Variants in ATP1A1 observed in about 807,000 individuals in gnomAD.
ATP1A1 encodes the protein sodium/potassium-transporting ATPase subunit alpha-1.
In ATP1A1, 14 loss-of-function variants were observed where a neutral mutation model predicts 114.8. The observed-to-expected ratio is 0.12, with a 90% CI of 0.08 to 0.19. The LOEUF (loss-of-function observed/expected upper bound fraction) is 0.19, where lower values mean the gene tolerates loss of function less well. ATP1A1 is among the 10% of genes least tolerant of loss of function. The pLI is 1.00. For missense variants in ATP1A1, 524 were observed against 1,290.7 expected, an observed-to-expected ratio of 0.41 and a Z score of 9.10; for synonymous variants, 471 against 466.3, an observed-to-expected ratio of 1.01 and a Z score of -0.13.
Position 116,388,404 on chromosome 1 carries a change from C to A in ATP1A1, c.501+160C>A. On this transcript the variant is annotated intron_variant, in intron 5 of 22. Coordinates refer to ENST00000295598, the MANE Select transcript of ATP1A1 (RefSeq NM_000701.8). The surrounding 1 kb of genome is among the most constrained non-coding windows in gnomAD (Gnocchi z 5.6). ...AAAACCAACCTATTTTCCTTCTATC[C>A]AAAAAGTGGTAGCCTTTCTTTTGAA... 2 of 951,052 alleles carry A rather than the reference C, an allele frequency of 2.1e-6. No individual in the cohort carries two copies. The highest frequency in any genetic ancestry group is 3.1e-6 in the Non-Finnish European group (2 of 642,654). The allele number at this position is 951,052 out of a possible 1,614,324, so 58.9% of individuals were successfully genotyped here.
chr1:116,389,342 T>G lies in ATP1A1; in HGVS notation c.755-97T>G. The G allele has an allele frequency of 6.7e-7, 1 of 1,500,110 alleles. No individual in the cohort carries two copies. The highest frequency in any genetic ancestry group is 1.4e-5 in the African/African-American group (1 of 71,630). The allele number at this position is 1,500,110 out of a possible 1,614,324, so 92.9% of individuals were successfully genotyped here. A position where few individuals can be genotyped will look rare whatever the true frequency, so the allele number is the denominator to read the frequency against. On this transcript the variant is annotated intron_variant, in intron 7 of 22. Coordinates refer to ENST00000295598, the MANE Select transcript of ATP1A1 (RefSeq NM_000701.8). This position sits in a 1 kb window ranked among gnomAD's most constrained non-coding sequence, Gnocchi z 6.9. ...TTAAAAAGTGCTTTTATCAACTCTT[T>G]TTGTTTTTTTAGTCATCCTATGTAA... is the stretch of plus-strand genomic sequence containing the variant.
Position 116,393,271 on chromosome 1 carries a change from A to G in ATP1A1, c.1468-260A>G, listed in dbSNP as rs770613805. Among the ~76,000 whole-genome samples, 179 of 151,860 alleles carry G rather than the reference A, an allele frequency of 1.2e-3. No individual in the cohort carries two copies. The highest frequency in any genetic ancestry group is 1.8e-3 in the Non-Finnish European group (125 of 67,990). ...GGTATGTGTACACAAGTGTTCCCCA[A>G]TCCCTGTGTTCTGAAATTTCGTATG... On this transcript the variant is annotated intron_variant, in intron 11 of 22. Transcript: ENST00000295598. The surrounding 1 kb of genome is among the most constrained non-coding windows in gnomAD (Gnocchi z 5.0).
chr1:116,373,819 C>T, intron 1 of ATP1A1: 1 of 1,171,348 alleles, frequency 8.5e-7, no homozygotes, highest in Non-Finnish European at 1.0e-6. Context: ...CCGGGGGCTC[C>T]GAGAGGCGGT....
In ATP1A1 at chr1:116,397,122, C is replaced by A. The variant is rs889360835; in HGVS notation, c.1973+388C>A. 6.6e-6 allele frequency among the ~76,000 whole-genome samples: 1 copy of A among 152,182 alleles called. No individual in the cohort carries two copies. Among genetic ancestry groups the A allele is most frequent in the Non-Finnish European group, 1.5e-5 (1 of 68,042 alleles). On this transcript the variant is annotated intron_variant, in intron 14 of 22. Coordinates refer to ENST00000295598, the MANE Select transcript of ATP1A1 (RefSeq NM_000701.8). The surrounding 1 kb of genome is among the most constrained non-coding windows in gnomAD (Gnocchi z 4.2). ...TAGCACCTAGCATCTTGACACTTTC[C>A]AGGTCCACACTAACAAAATAAAATA...
chr1:116,399,161 G>C lies in ATP1A1; in HGVS notation c.2448+77G>C, dbSNP rs2101062534. ...TTCATTCACTGGCACTATGCTCCCA[G>C]CATCCATGAGGCTGGCGTTGGGAAA... On this transcript the variant is annotated intron_variant, in intron 17 of 22. Coordinates refer to ENST00000295598, the MANE Select transcript of ATP1A1 (RefSeq NM_000701.8). This position sits in a 1 kb window ranked among gnomAD's most constrained non-coding sequence, Gnocchi z 5.0. The C allele has an allele frequency of 3.1e-6, 5 of 1,592,396 alleles. No homozygotes were observed. Among genetic ancestry groups the C allele is most frequent in the Non-Finnish European group, 4.3e-6 (5 of 1,163,790 alleles).
At position 116,384,055 on chromosome 1, in the gene ATP1A1, A is replaced by C; in HGVS notation, c.54A>C (p.Gln18His). The change falls in exon 2 of 23, where the codon CAA becomes CAC. Residue 18 changes from glutamine (Q) to histidine (H), a missense_variant. Coordinates refer to ENST00000295598, the MANE Select transcript of ATP1A1 (RefSeq NM_000701.8). This position sits in a 1 kb window ranked among gnomAD's most constrained non-coding sequence, Gnocchi z 5.1. ...DKYEPAAVSE[Q>H]GDKKGKKGKK... ...ATGAGCCTGCAGCTGTTTCAGAACA[A>C]GGTGATAAAAAGGGCAAAAAGGGCA... 3 of 1,614,140 alleles carry C rather than the reference A, an allele frequency of 1.9e-6. No individual in the cohort carries two copies. In the South Asian group the frequency reaches 3.3e-5, roughly 18 times the overall value.
chr1:116,374,152 G>T lies in ATP1A1; in HGVS notation c.12+629G>T, dbSNP rs540080561. 5.2e-6 allele frequency: 8 copies of T among 1,549,044 alleles called. No homozygotes were observed. The South Asian group carries it at 8.3e-5, about 16-fold the overall frequency. Reference sequence around the variant, plus strand: ...GCAGAGGCGGCCGCCCTCCCCCAAAGAAAAAACTGGCTGCTTCTAAGTGCG... The same window carrying T: ...GCAGAGGCGGCCGCCCTCCCCCAAATAAAAAACTGGCTGCTTCTAAGTGCG... On this transcript the variant is annotated intron_variant, in intron 1 of 22. Coordinates refer to ENST00000295598, the MANE Select transcript of ATP1A1 (RefSeq NM_000701.8).
chr1:116,390,724 A>G, intron 9 of ATP1A1, 58 bp from the exon 10 acceptor site: 1 of 1,397,116 alleles, frequency 7.2e-7, no homozygotes, highest in Admixed American at 1.7e-5. Context: ...GAGAACTGAG[A>G]ACACAGCCTT....
chr1:116,401,666 C>T lies in ATP1A1; in HGVS notation c.2951+11C>T. On this transcript the variant is annotated intron_variant, in intron 21 of 22. Transcript: ENST00000295598. The surrounding 1 kb of genome is among the most constrained non-coding windows in gnomAD (Gnocchi z 4.7). The stretch of plus-strand genomic sequence containing the variant: ...GATGTATCCCCTCAAGTAAGTTGAT[C>T]CTCTGGTAGCTCCAAAAAGTATGAA... 6.2e-7 allele frequency: 1 copy of T among 1,608,554 alleles called. No homozygotes were observed. The highest frequency in any genetic ancestry group is 8.5e-7 in the Non-Finnish European group (1 of 1,175,372).
Position 116,398,616 on chromosome 1 carries a change from G to GGAA in ATP1A1, c.2125-4_2125-3insAAG. 1.9e-6 allele frequency: 3 copies of GGAA among 1,612,918 alleles called. No homozygotes were observed. In the Middle Eastern group the frequency reaches 5.0e-4, roughly 266 times the overall value. On this transcript the variant is annotated splice_polypyrimidine_tract_variant and splice_region_variant and intron_variant, in intron 15 of 22. Coordinates refer to ENST00000295598, the MANE Select transcript of ATP1A1 (RefSeq NM_000701.8). The surrounding 1 kb of genome is among the most constrained non-coding windows in gnomAD (Gnocchi z 6.1). Reference sequence around the variant, plus strand: ...TATTAACCCGTTTTCCCTTTTCTGGGGTAGGGTGCTATCGTGGCTGTGACT... The same window carrying GGAA: ...TATTAACCCGTTTTCCCTTTTCTGGGGAAGTAGGGTGCTATCGTGGCTGTGACT...
intron 1 of ATP1A1, chr1:116,374,221 T>A (rs1452579078): frequency 6.4e-7 from 1 of 1,551,510 alleles, no homozygotes; most frequent in African/African-American, 1.4e-5. Flanking sequence ...GTGTCTTCAC[T>A]GCCCTAAGAT....
intron 1 of ATP1A1, among the ~76,000 whole-genome samples, chr1:116,379,309 G>A (rs1001079889): frequency 6.6e-6 from 1 of 152,178 alleles, no homozygotes; most frequent in Non-Finnish European, 1.5e-5. Flanking sequence ...TATTCTCCAG[G>A]ATGCATATTT....
intron 10 of ATP1A1, among the ~76,000 whole-genome samples, chr1:116,391,707 T>C (rs938922397): frequency 6.6e-6 from 1 of 152,244 alleles, no homozygotes; most frequent in African/African-American, 2.4e-5. Flanking sequence ...ATTGAATTGA[T>C]GTTGATTTGA....
intron 12 of ATP1A1, among the ~76,000 whole-genome samples, 178 bp from the exon 13 acceptor site, chr1:116,394,932 G>C (rs1652783646): frequency 6.6e-6 from 1 of 152,024 alleles, no homozygotes; most frequent in East Asian, 1.9e-4. Context: ...TTTTCTTTCA[G>C]TGACTCTATC....
rs1652793279 is a variant in ATP1A1 at position 116,395,024 on chromosome 1, AAGGT to A, written c.1661-82_1661-79del. 1.4e-6 allele frequency: 2 copies of A among 1,391,772 alleles called. No homozygotes were observed. Among genetic ancestry groups the A allele is most frequent in the Non-Finnish European group, 9.8e-7 (1 of 1,024,226 alleles). 86.2% of individuals were successfully genotyped at this position (1,391,772 alleles called of 1,614,324 possible). ...TTTTCCAAAGTAAACACTCCAGAGA[AAGGT>A]AGGCGGGCTGAATAGGCTGCTGTTG... On this transcript the variant is annotated intron_variant, in intron 12 of 22. Transcript: ENST00000295598. This position sits in a 1 kb window ranked among gnomAD's most constrained non-coding sequence, Gnocchi z 6.4.
intron 14 of ATP1A1, 112 bp downstream of exon 14, chr1:116,396,846 A>G: frequency 7.6e-7 from 1 of 1,321,838 alleles, no homozygotes; most frequent in South Asian, 1.9e-5. Context: ...CTGAGTAGGA[A>G]ATGTACCTGC....
chr1:116,383,059 G>A (rs1651849973), intron 1 of ATP1A1, among the ~76,000 whole-genome samples: 1 of 152,130 alleles, frequency 6.6e-6, no homozygotes, highest in Non-Finnish European at 1.5e-5. Flanking sequence ...ACAGGGGTGG[G>A]GGAGTGGAAC....
rs1429499225 is a variant in ATP1A1, at chr1:116,397,605, T to C, written c.1974-283T>C. Among the ~76,000 whole-genome samples, 1 of 152,130 alleles carries C rather than the reference T, an allele frequency of 6.6e-6. No individual in the cohort carries two copies. The highest frequency in any genetic ancestry group is 1.5e-5 in the Non-Finnish European group (1 of 68,016). On this transcript the variant is annotated intron_variant, in intron 14 of 22. Transcript: ENST00000295598. This position sits in a 1 kb window ranked among gnomAD's most constrained non-coding sequence, Gnocchi z 4.2. ...TACAGGCATGAGCCACACACCCAGC[T>C]AAAACTTGGTTATATTTCAGCATGT...
intron 1 of ATP1A1, chr1:116,373,802 G>T (rs1651159099): frequency 2.5e-6 from 3 of 1,221,202 alleles, no homozygotes; most frequent in Non-Finnish European, 1.0e-6. Flanking sequence ...CCCGGAGGCC[G>T]AGCGGGCCGG....
Sources: allele counts gnomAD v4.1 joint callset (sites outside exome capture counted in the v4.1 genomes callset), GRCh38; gene constraint gnomAD v4.1.1; non-coding constraint Gnocchi (gnomAD v3.1); transcripts MANE v1.5; gene names NCBI Gene and HGNC (gene_info 2026-07-23, HGNC 2026-07-21).